CA6: variants seen among roughly 807,000 people sequenced by gnomAD.
CA6 encodes carbonate dehydratase VI.
Under a neutral mutation model 35.9 loss-of-function variants are expected in CA6, and 28 were observed. That is an observed-to-expected ratio of 0.78 (90% CI 0.58 to 1.07). The LOEUF is 1.07. Among genes scored for constraint, CA6 ranks in the 50% least tolerant of loss-of-function variants. The pLI, the probability that CA6 is intolerant of heterozygous loss-of-function variation, is 0.00. For missense variants in CA6, 377 were observed against 382.0 expected (o/e 0.99, Z 0.11); for synonymous variants, 148 against 152.6 (o/e 0.97, Z 0.22).
Position 8,967,867 on chromosome 1 carries a change from A to G in CA6, c.729+51A>G, listed in dbSNP as rs1640011592. On this transcript the variant is annotated intron_variant, in intron 6 of 7. Coordinates refer to ENST00000377443, the MANE Select transcript of CA6 (RefSeq NM_001215.4). ...AGTCTTCCCATTCGATTGCCTGGTT[A>G]ACAAGGGTTCTCCCCAGCATCTCAA... is the stretch of plus-strand genomic sequence containing the variant. 3 of 1,564,202 alleles carry G rather than the reference A, an allele frequency of 1.9e-6. No individual in the cohort carries two copies. The African/African-American group carries it at 4.0e-5, about 21-fold the overall frequency.
intron 4 of CA6, among the ~76,000 whole-genome samples, chr1:8,961,726 GA>G (rs2124171387): frequency 6.6e-6 from 1 of 152,336 alleles, no homozygotes; most frequent in East Asian, 1.9e-4. Context: ...CCACTTGACT[GA>G]AAAGAGCCAT....
At position 8,963,106 on chromosome 1, in the gene CA6, G is replaced by C. The variant is rs1374881804; in HGVS notation, c.571+450G>C. 2.0e-5 allele frequency among the ~76,000 whole-genome samples: 3 copies of C among 152,136 alleles called. No individual in the cohort carries two copies. Among genetic ancestry groups the C allele is most frequent in the Non-Finnish European group, 4.4e-5 (3 of 68,018 alleles). The stretch of plus-strand genomic sequence containing the variant: ...CTCTCCTCCAGAGGGCGGCGTTCTT[G>C]TAAGAGCCATTTCCCACCCAGGGTC... On this transcript the variant is annotated intron_variant, in intron 5 of 7. Coordinates refer to ENST00000377443, the MANE Select transcript of CA6 (RefSeq NM_001215.4). The surrounding 1 kb of genome is among the most constrained non-coding windows in gnomAD (Gnocchi z 4.1).
chr1:8,973,270 C>T (rs538551379), intron 7 of CA6, among the ~76,000 whole-genome samples: 159 of 149,622 alleles, frequency 1.1e-3, no homozygotes, highest in Admixed American at 3.0e-3. Context: ...TCCGCCTGCC[C>T]GGCCTCCCAA....
chr1:8,946,334 G>T (rs1259126863), intron 1 of CA6, among the ~76,000 whole-genome samples: 1 of 151,974 alleles, frequency 6.6e-6, no homozygotes, highest in Non-Finnish European at 1.5e-5. Context: ...GCCCGGCCAA[G>T]AGTCCTCCTT....
intron 5 of CA6, among the ~76,000 whole-genome samples, chr1:8,964,891 T>G (rs974559154): frequency 6.6e-6 from 1 of 152,096 alleles, no homozygotes; most frequent in Admixed American, 6.6e-5. Flanking sequence ...AAATGTTGGG[T>G]GGAGTCAGGC....
At chr1:8,954,665 C>T (rs72641564) in intron 2 of CA6, among the ~76,000 whole-genome samples, 3,697 of 152,254 alleles carry the variant, frequency 0.024, 75 homozygotes, top group Middle Eastern at 0.068. Flanking sequence ...TATTTCTCCA[C>T]TTATTTAGTT....
Position 8,967,963 on chromosome 1 carries a change from C to CTTTTTT in CA6, c.729+162_729+167dup, listed in dbSNP as rs34107058. On this transcript the variant is annotated intron_variant, in intron 6 of 7. Coordinates refer to ENST00000377443, the MANE Select transcript of CA6 (RefSeq NM_001215.4). ...GGCTACTGTGCCTCGTCTAGCCAAC[C>CTTTTTT]TTTTTTTTTTTTTTTTTTTTGTGAG... The CTTTTTT allele has an allele frequency of 1.1e-4, 32 of 297,062 alleles. 1 individual carries two copies. The highest frequency in any genetic ancestry group is 2.3e-4 in the African/African-American group (7 of 30,506). The allele number at this position is 297,062 out of a possible 1,614,324, so 18.4% of individuals were successfully genotyped here.
At chr1:8,957,588 G>A (rs190084944) in intron 3 of CA6, among the ~76,000 whole-genome samples, 4 of 152,088 alleles carry the variant, frequency 2.6e-5, no homozygotes, top group East Asian at 2.0e-4. Flanking sequence ...TGATCCACCC[G>A]CCTTGGCCTC....
intron 1 of CA6, 152 bp downstream of exon 1, chr1:8,946,117 A>C: frequency 1.7e-6 from 1 of 588,724 alleles, no homozygotes; most frequent in Non-Finnish European, 3.0e-6. Context: ...GGCTCACTGC[A>C]ACCTCCGCCT....
intron 7 of CA6, among the ~76,000 whole-genome samples, chr1:8,973,816 TCTCTTTCTTC>T (rs1640195119): frequency 6.7e-6 from 1 of 148,572 alleles, no homozygotes; most frequent in African/African-American, 2.5e-5. Flanking sequence ...TCTCTCTCTC[TCTCTTTCTTC>T]CTCTCTTTCT....
At chr1:8,948,160 C>T (rs1639419269) in intron 1 of CA6, among the ~76,000 whole-genome samples, 1 of 151,938 alleles carries the variant, frequency 6.6e-6, no homozygotes, top group Non-Finnish European at 1.5e-5. Context: ...AAACACCTGT[C>T]TTAAAACAAG....
intron 7 of CA6, chr1:8,974,304 C>A: frequency 1.6e-6 from 2 of 1,281,676 alleles, no homozygotes; most frequent in Non-Finnish European, 2.1e-6. Flanking sequence ...CAAATACGGA[C>A]CTCTTGCGAT....
chr1:8,960,243 A>G (rs1216730495), intron 4 of CA6, among the ~76,000 whole-genome samples: 1 of 152,158 alleles, frequency 6.6e-6, no homozygotes, highest in Non-Finnish European at 1.5e-5. Flanking sequence ...AAAAAAAAAA[A>G]AAGTCGGGCA....
intron 4 of CA6, among the ~76,000 whole-genome samples, chr1:8,960,857 A>T (rs1639824840): frequency 6.6e-6 from 1 of 152,002 alleles, no homozygotes; most frequent in Admixed American, 6.6e-5. Context: ...GAAACAAAAC[A>T]AAACAATGGC....
Position 8,958,902 on chromosome 1 carries a change from T to A in CA6, c.409-8T>A. ...CTGCCCTTGACCCACTCTACCTTGC[T>A]CTTACAGATTCACATTGTTCACTAC... is the stretch of plus-strand genomic sequence containing the variant. On this transcript the variant is annotated splice_region_variant and splice_polypyrimidine_tract_variant and intron_variant, in intron 3 of 7. Coordinates refer to ENST00000377443, the MANE Select transcript of CA6 (RefSeq NM_001215.4). The A allele has an allele frequency of 6.6e-7, 1 of 1,523,168 alleles. No individual in the cohort carries two copies. The highest frequency in any genetic ancestry group is 9.1e-7 in the Non-Finnish European group (1 of 1,098,936). 94.4% of individuals were successfully genotyped at this position (1,523,168 alleles called of 1,614,324 possible).
chr1:8,969,171 C>T (rs987494003), intron 6 of CA6, among the ~76,000 whole-genome samples: 12 of 151,898 alleles, frequency 7.9e-5, no homozygotes, highest in South Asian at 6.2e-4. Context: ...AAAAATTAGC[C>T]GGGCATAGTG....
chr1:8,949,844 T>G (rs1223417790), intron 2 of CA6, among the ~76,000 whole-genome samples: 8 of 152,036 alleles, frequency 5.3e-5, no homozygotes, highest in Non-Finnish European at 1.0e-4. Flanking sequence ...ACCTGACAGG[T>G]AGGACCAGGG....
chr1:8,967,935 C>A, intron 6 of CA6, 119 bp downstream of exon 6: 1 of 794,556 alleles, frequency 1.3e-6, no homozygotes, highest in Non-Finnish European at 2.0e-6. Flanking sequence ...TTTCTGTGTG[C>A]AGGGCTACTG....
At position 8,958,916 on chromosome 1, in the gene CA6, A is replaced by G. The variant is rs1639760702; in HGVS notation, c.415A>G (p.Ile139Val). ...DGIRHVIEIH[I>V]VHYNSKYKSY... ...CTCTACCTTGCTCTTACAGATTCAC[A>G]TTGTTCACTACAATTCTAAATACAA... The change falls in exon 4 of 8, where the codon ATT becomes GTT. Residue 139 changes from isoleucine (I) to valine (V), a missense_variant. Coordinates refer to ENST00000377443, the MANE Select transcript of CA6 (RefSeq NM_001215.4). 6.3e-7 allele frequency: 1 copy of G among 1,596,542 alleles called. No homozygotes were observed. Among genetic ancestry groups the G allele is most frequent in the Non-Finnish European group, 8.6e-7 (1 of 1,164,848 alleles).
Sources: gnomAD v4.1 joint callset for allele counts (sites outside exome capture counted in the v4.1 genomes callset) on GRCh38, gnomAD v4.1.1 for gene constraint, Gnocchi (gnomAD v3.1) non-coding constraint, MANE v1.5 for transcripts, NCBI Gene and HGNC (gene_info 2026-07-23, HGNC 2026-07-21) for gene names.